GNB1: variants seen among roughly 807,000 people sequenced by gnomAD.
The protein encoded by GNB1 is G protein subunit beta 1.
Under a neutral mutation model 42.9 loss-of-function variants are expected in GNB1, and 2 were observed. The ratio of observed to expected loss-of-function variants is 0.05; its 90% CI spans 0.02 to 0.15. The LOEUF (loss-of-function observed/expected upper bound fraction) is 0.15, where lower values mean the gene tolerates loss of function less well. Among genes scored for constraint, GNB1 ranks in the 10% least tolerant of loss-of-function variants. GNB1 has a pLI of 1.00. For missense variants in GNB1, 193 were observed against 462.2 expected (o/e 0.42, Z 5.34); for synonymous variants, 183 against 174.7 (o/e 1.05, Z -0.38).
At chr1:1,837,030 A>C (rs1236097731) in intron 2 of GNB1, among the ~76,000 whole-genome samples, 1 of 152,028 alleles carries the variant, frequency 6.6e-6, no homozygotes, top group Non-Finnish European at 1.5e-5. Flanking sequence ...GATACAAGTC[A>C]TCTAAAAGAC....
intron 2 of GNB1, among the ~76,000 whole-genome samples, chr1:1,836,386 GCT>G (rs1491576576): frequency 9.5e-6 from 1 of 105,184 alleles, no homozygotes; most frequent in Non-Finnish European, 1.9e-5. Context: ...TCTTAATATT[GCT>G]TTTTTTTTTT....
Position 1,806,448 on chromosome 1 carries a change from C to T in GNB1, c.267+27G>A, listed in dbSNP as rs762586996. On this transcript the variant is annotated intron_variant, in intron 6 of 11. Transcript: ENST00000378609. ...AACCCTGTTTCCTGGGTTGGTTTTT[C>T]AAGGAAGGGAATCCTCCAGTCCCTA... 2.0e-6 allele frequency: 3 copies of T among 1,493,954 alleles called. No homozygotes were observed. In the South Asian group the frequency reaches 3.4e-5, roughly 17 times the overall value. The allele number at this position is 1,493,954 out of a possible 1,614,324, so 92.5% of individuals were successfully genotyped here.
Sources: gnomAD v4.1 joint callset for allele counts (sites outside exome capture counted in the v4.1 genomes callset) on GRCh38, gnomAD v4.1.1 for gene constraint, MANE v1.5 for transcripts, NCBI Gene and HGNC (gene_info 2026-07-23, HGNC 2026-07-21) for gene names.